ZMYND15: variants seen among roughly 807,000 people sequenced by gnomAD.
ZMYND15 encodes zinc finger MYND domain-containing protein 15.
ZMYND15 carries 54 observed loss-of-function variants against 81.7 expected under a neutral mutation model. That is an observed-to-expected ratio of 0.66 (90% confidence interval 0.53 to 0.83). The LOEUF is 0.83. ZMYND15 is among the 40% of genes least tolerant of loss of function. The pLI is 0.00. For missense variants in ZMYND15, 925 were observed against 973.5 expected, an observed-to-expected ratio of 0.95 and a Z score of 0.66; for synonymous variants, 399 against 387.0, an observed-to-expected ratio of 1.03 and a Z score of -0.36.
intron 1 of ZMYND15, 115 bp from the exon 2 acceptor site, chr17:4,740,404 C>A: frequency 1.5e-6 from 2 of 1,367,756 alleles, no homozygotes; most frequent in South Asian, 3.9e-5. Context: ...CTAGCATATC[C>A]ACGGATCCAA....
chr17:4,742,271 A>G, intron 4 of ZMYND15, 60 bp from the exon 5 acceptor site: 2 of 1,593,250 alleles, frequency 1.3e-6, no homozygotes, highest in Non-Finnish European at 1.7e-6. Flanking sequence ...TGGGCAGTTG[A>G]ACAGCAGACA....
rs373182865 is a variant in ZMYND15 at position 4,744,708 on chromosome 17, G to A, written c.1767G>A (p.Arg589=). The change falls in exon 11 of 14, where the codon AGG becomes AGA. Residue 589 remains arginine, a synonymous_variant. Coordinates refer to ENST00000433935, the MANE Select transcript of ZMYND15 (RefSeq NM_001136046.3). This position sits in a 1 kb window ranked among gnomAD's most constrained non-coding sequence, Gnocchi z 4.1. Reference sequence around the variant, plus strand: ...GCACTAAGGAGAAAGGGGGCCGCAGGGACCTGCAGATCAAGGTGTCAGCAA... The same window carrying A: ...GCACTAAGGAGAAAGGGGGCCGCAGAGACCTGCAGATCAAGGTGTCAGCAA... ...SSGTKEKGGR[R]DLQIKVSARP... 1.7e-5 allele frequency: 28 copies of A among 1,614,106 alleles called. No individual in the cohort carries two copies. In the African/African-American group the frequency reaches 2.7e-4, roughly 15 times the overall value.
chr17:4,742,625 G>T (rs1916476810), intron 5 of ZMYND15, 134 bp downstream of exon 5: 9 of 1,246,590 alleles, frequency 7.2e-6, no homozygotes, highest in Non-Finnish European at 9.9e-6. Context: ...CCTGGAACAA[G>T]GGCAGGGGCT....
In ZMYND15 at chr17:4,744,363, C is replaced by A; in HGVS notation, c.1585-6C>A. 1 of 1,614,070 alleles carries A rather than the reference C, an allele frequency of 6.2e-7. No homozygotes were observed. The highest frequency in any genetic ancestry group is 8.5e-7 in the Non-Finnish European group (1 of 1,179,990). On this transcript the variant is annotated splice_polypyrimidine_tract_variant and splice_region_variant and intron_variant, in intron 9 of 13. Transcript: ENST00000433935. This position sits in a 1 kb window ranked among gnomAD's most constrained non-coding sequence, Gnocchi z 4.1. ...CCCCAGATCTTTCTTTCTTTCTGTC[C>A]TTCAGGAGCTTTTGGTCCTGCTCCC...
chr17:4,745,271 C>T lies in ZMYND15; in HGVS notation c.1953C>T (p.Asp651=), dbSNP rs1224620637. The T allele has an allele frequency of 6.2e-6, 10 of 1,613,998 alleles. No homozygotes were observed. The highest frequency in any genetic ancestry group is 2.2e-5 in the East Asian group (1 of 44,864). The change falls in exon 13 of 14, where the codon GAC becomes GAT. Residue 651 remains aspartate, a synonymous_variant. Coordinates refer to ENST00000433935, the MANE Select transcript of ZMYND15 (RefSeq NM_001136046.3). This position sits in a 1 kb window ranked among gnomAD's most constrained non-coding sequence, Gnocchi z 5.2. ...TESSEYSCVM[D]GQTMAVATGG... ...GCAGCGAGTACAGCTGTGTGATGGA[C>T]GGCCAGACCATGGCGGTGGCCACTG...
In ZMYND15 at chr17:4,745,438, T is replaced by A; in HGVS notation, c.2057+63T>A. 6.5e-7 allele frequency: 1 copy of A among 1,531,754 alleles called. No homozygotes were observed. The highest frequency in any genetic ancestry group is 8.8e-7 in the Non-Finnish European group (1 of 1,138,938). 94.9% of individuals were successfully genotyped at this position (1,531,754 alleles called of 1,614,324 possible). ...ACTTCTCTTACTCTCTGGCTCCACA[T>A]CCTCGAAGGCCCACCTCTACCCTAG... is the stretch of plus-strand genomic sequence containing the variant. On this transcript the variant is annotated intron_variant, in intron 13 of 13. Coordinates refer to ENST00000433935, the MANE Select transcript of ZMYND15 (RefSeq NM_001136046.3). This position sits in a 1 kb window ranked among gnomAD's most constrained non-coding sequence, Gnocchi z 5.2.
Position 4,744,390 on chromosome 17 carries a change from CA to C in ZMYND15, c.1607del (p.His536LeufsTer9), listed in dbSNP as rs1251042001. 1 of 1,614,120 alleles carries C rather than the reference CA, an allele frequency of 6.2e-7. No individual in the cohort carries two copies. ...VFWELLVLLP[H>X]VALELQFVGD... ...TCAGGAGCTTTTGGTCCTGCTCCCC[CA>C]TGTGGCCCTGGAGCTGCAGTTTGTA... On this transcript the variant is annotated frameshift_variant, in exon 10 of 14. Transcript: ENST00000433935. LOFTEE classifies it high-confidence loss of function. This position sits in a 1 kb window ranked among gnomAD's most constrained non-coding sequence, Gnocchi z 4.1.
At position 4,742,002 on chromosome 17, in the gene ZMYND15, T is replaced by G; in HGVS notation, c.915T>G (p.Phe305Leu). 1 of 1,614,190 alleles carries G rather than the reference T, an allele frequency of 6.2e-7. No individual in the cohort carries two copies. Among genetic ancestry groups the G allele is most frequent in the Non-Finnish European group, 8.5e-7 (1 of 1,180,032 alleles). The stretch of plus-strand genomic sequence containing the variant: ...GGGGTCCCCGGCCAGGCTTCACCTT[T>G]GCTTCCCTTCGTGCTCGAACCTGCC... ...RTWGPRPGFT[F>L]ASLRARTCHV... The change falls in exon 4 of 14, where the codon TTT becomes TTG. Residue 305 changes from phenylalanine to leucine, a missense_variant. Physicochemically the swap from Phe to Leu is conservative, Grantham distance 22. Coordinates refer to ENST00000433935, the MANE Select transcript of ZMYND15 (RefSeq NM_001136046.3).
chr17:4,741,869 A>G lies in ZMYND15; in HGVS notation c.828-46A>G, dbSNP rs981615834. On this transcript the variant is annotated intron_variant, in intron 3 of 13. Transcript: ENST00000433935. ...GGAGGACTCGGGCCCTGGATTCCCA[A>G]GCACCTCCTCCAGCCTGATGCCATC... 2.5e-6 allele frequency: 4 copies of G among 1,594,492 alleles called. No individual in the cohort carries two copies. The African/African-American group carries it at 5.4e-5, about 21-fold the overall frequency.
Position 4,740,017 on chromosome 17 carries a change from G to C in ZMYND15, c.-64G>C, listed in dbSNP as rs1916310854. 2 of 985,466 alleles carry C rather than the reference G, an allele frequency of 2.0e-6. No individual in the cohort carries two copies. The highest frequency in any genetic ancestry group is 6.1e-5 in the Admixed American group (1 of 16,292). The allele number at this position is 985,466 out of a possible 1,614,324, so 61.0% of individuals were successfully genotyped here. A position where few individuals can be genotyped will look rare whatever the true frequency, so the allele number is the denominator to read the frequency against. ...CGCACCCGCGCACCCTCCACCGCGA[G>C]GTATTTACCTTCGAAAAGTGGTGGC... On this transcript the variant is annotated 5_prime_UTR_variant, in exon 1 of 14. Coordinates refer to ENST00000433935, the MANE Select transcript of ZMYND15 (RefSeq NM_001136046.3).
Position 4,740,533 on chromosome 17 carries a change from C to T in ZMYND15, c.-16C>T, listed in dbSNP as rs766398795. On this transcript the variant is annotated 5_prime_UTR_variant, in exon 2 of 14. Coordinates refer to ENST00000433935, the MANE Select transcript of ZMYND15 (RefSeq NM_001136046.3). Reference sequence around the variant, plus strand: ...CTTTTGCTCAGTCTGGGCCGGGGCCCTGTGCCGCTGAAGACATGGAGTTTG... The same window carrying T: ...CTTTTGCTCAGTCTGGGCCGGGGCCTTGTGCCGCTGAAGACATGGAGTTTG... 2 of 1,573,974 alleles carry T rather than the reference C, an allele frequency of 1.3e-6. No homozygotes were observed. The highest frequency in any genetic ancestry group is 3.5e-5 in the Admixed American group (2 of 56,702).
Position 4,742,142 on chromosome 17 carries a change from G to A in ZMYND15, c.983+72G>A, listed in dbSNP as rs955247947. ...TAGAAGGAAGGCAGGGTGGTGGGGG[G>A]CGCCTAGCAGACAGAAGGAGAGGCA... On this transcript the variant is annotated intron_variant, in intron 4 of 13. Coordinates refer to ENST00000433935, the MANE Select transcript of ZMYND15 (RefSeq NM_001136046.3). 39 of 1,591,552 alleles carry A rather than the reference G, an allele frequency of 2.5e-5. No homozygotes were observed. The African/African-American group carries it at 4.6e-4, about 19-fold the overall frequency.
At position 4,742,448 on chromosome 17, in the gene ZMYND15, G is replaced by A. The variant is rs1377290411; in HGVS notation, c.1101G>A (p.Glu367=). 5 of 1,614,220 alleles carry A rather than the reference G, an allele frequency of 3.1e-6. No homozygotes were observed. Among genetic ancestry groups the A allele is most frequent in the Non-Finnish European group, 3.4e-6 (4 of 1,180,044 alleles). ...GCCCAAGGCTTGCAGCCTTCATGGAGCGGGCAGGAGAACTGGCAACCCTGC... is the reference window on the plus strand; with the variant it reads ...GCCCAAGGCTTGCAGCCTTCATGGAACGGGCAGGAGAACTGGCAACCCTGC... The part of the protein sequence containing the change: ...FWCPRLAAFM[E]RAGELATLPF... The change falls in exon 5 of 14, where the codon GAG becomes GAA. Residue 367 remains glutamate, a synonymous_variant. Transcript: ENST00000433935.
rs1597281838 is a variant in ZMYND15, at chr17:4,742,311, A to C, written c.984-20A>C. 1.9e-6 allele frequency: 3 copies of C among 1,612,272 alleles called. No individual in the cohort carries two copies. The highest frequency in any genetic ancestry group is 2.5e-6 in the Non-Finnish European group (3 of 1,178,694). On this transcript the variant is annotated intron_variant, in intron 4 of 13. Transcript: ENST00000433935. ...CTACAGAGGTTAACACTAGGTGCCCACCACCCGCTGTGTCCCCAGCCCCCA... is the reference window on the plus strand; with the variant it reads ...CTACAGAGGTTAACACTAGGTGCCCCCCACCCGCTGTGTCCCCAGCCCCCA...
Position 4,743,714 on chromosome 17 carries a change from G to A in ZMYND15, c.1298-53G>A, listed in dbSNP as rs538135130. ...CCCCTTTGGAAGGAAGAAAGAGATG[G>A]GTCAGGTGGGGGTCTCCCTGACCCC... On this transcript the variant is annotated intron_variant, in intron 6 of 13. Transcript: ENST00000433935. The surrounding 1 kb of genome is among the most constrained non-coding windows in gnomAD (Gnocchi z 4.3). 9.1e-6 allele frequency: 14 copies of A among 1,541,662 alleles called. No individual in the cohort carries two copies. Among genetic ancestry groups the A allele is most frequent in the Admixed American group, 1.9e-5 (1 of 51,484 alleles).
At chr17:4,742,141 G>A in intron 4 of ZMYND15, 71 bp downstream of exon 4, 2 of 1,593,800 alleles carry the variant, frequency 1.3e-6, no homozygotes, top group Admixed American at 1.7e-5. Flanking sequence ...GGTGGTGGGG[G>A]GCGCCTAGCA....
intron 1 of ZMYND15, chr17:4,740,257 C>A: frequency 1.7e-6 from 1 of 604,254 alleles, no homozygotes; most frequent in Non-Finnish European, 2.3e-6. Context: ...AGGGTGTGAA[C>A]TCTCCAATTT....
Position 4,744,647 on chromosome 17 carries a change from G to T in ZMYND15, c.1706G>T (p.Arg569Leu). The change falls in exon 11 of 14, where the codon CGG (arginine) becomes CTG (leucine). Residue 569 changes from arginine to leucine, a missense_variant. Coordinates refer to ENST00000433935, the MANE Select transcript of ZMYND15 (RefSeq NM_001136046.3). The surrounding 1 kb of genome is among the most constrained non-coding windows in gnomAD (Gnocchi z 4.1). ...LQRDSLEVSVRPGSGISARPS... is the reference protein window; with the variant it reads ...LQRDSLEVSVLPGSGISARPS... ...CAGGACAGCCTGGAGGTGTCTGTCC[G>T]GCCTGGTTCCGGCATATCAGCACGG... The T allele has an allele frequency of 1.2e-6, 2 of 1,613,024 alleles. No homozygotes were observed.
At position 4,743,154 on chromosome 17, in the gene ZMYND15, G is replaced by A. The variant is rs191485456; in HGVS notation, c.1145-149G>A. 3.2e-3 allele frequency: 2,833 copies of A among 894,622 alleles called. 6 individuals carry two copies. Among genetic ancestry groups the A allele is most frequent in the Non-Finnish European group, 4.1e-3 (2,451 of 597,994 alleles). 55.4% of individuals were successfully genotyped at this position (894,622 alleles called of 1,614,324 possible). On this transcript the variant is annotated intron_variant, in intron 5 of 13. Transcript: ENST00000433935. The surrounding 1 kb of genome is among the most constrained non-coding windows in gnomAD (Gnocchi z 4.3). The stretch of plus-strand genomic sequence containing the variant: ...CTCGGGAGACTGAGGTGGGAGAATC[G>A]TTTGAGTCCAAGAGGTCGAGGCTGT...
Sources: allele counts gnomAD v4.1 joint callset, GRCh38; gene constraint gnomAD v4.1.1; non-coding constraint Gnocchi (gnomAD v3.1); transcripts MANE v1.5; gene names NCBI Gene and HGNC (gene_info 2026-07-23, HGNC 2026-07-21).